NLGN1: variants seen among roughly 807,000 people sequenced by gnomAD.
NLGN1 encodes neuroligin 1.
In NLGN1, 12 loss-of-function variants were observed where a neutral mutation model predicts 65.5. The ratio of observed to expected loss-of-function variants is 0.18; its 90% CI spans 0.12 to 0.30. NLGN1 has a LOEUF of 0.30. Among genes scored for constraint, NLGN1 ranks in the 10% least tolerant of loss-of-function variants. NLGN1 has a pLI of 1.00. For missense variants in NLGN1, 750 were observed against 1,007.1 expected, an observed-to-expected ratio of 0.74 and a Z score of 3.46; for synonymous variants, 350 against 359.5, an observed-to-expected ratio of 0.97 and a Z score of 0.30.
At chr3:174,077,762 G>A (rs1741319942) in intron 4 of NLGN1, among the ~76,000 whole-genome samples, 1 of 152,014 alleles carries the variant, frequency 6.6e-6, no homozygotes, top group African/African-American at 2.4e-5. Flanking sequence ...CACCATGTTG[G>A]TCAGGCTGGT....
At chr3:173,563,612 C>T (rs1743142768) in intron 2 of NLGN1, among the ~76,000 whole-genome samples, 1 of 152,206 alleles carries the variant, frequency 6.6e-6, no homozygotes, top group East Asian at 1.9e-4. Context: ...TTACATTTTA[C>T]TGACATCTTT....
At chr3:173,909,212 G>T (rs949732522) in intron 4 of NLGN1, among the ~76,000 whole-genome samples, 2 of 152,016 alleles carry the variant, frequency 1.3e-5, no homozygotes, top group African/African-American at 4.8e-5. Context: ...TTTCGGGGGA[G>T]GTTCAGTTAA....
intron 4 of NLGN1, among the ~76,000 whole-genome samples, chr3:173,872,109 G>A (rs1176933671): frequency 6.6e-6 from 1 of 152,112 alleles, no homozygotes; most frequent in Non-Finnish European, 1.5e-5. Context: ...GCGCCTCATG[G>A]GCAAGAGTGT....
chr3:173,614,282 C>G (rs1752726388), intron 3 of NLGN1, among the ~76,000 whole-genome samples: 1 of 151,870 alleles, frequency 6.6e-6, no homozygotes. Context: ...GTAATGTAAC[C>G]CTGTCGAGTA....
intron 4 of NLGN1, among the ~76,000 whole-genome samples, chr3:174,190,079 C>T (rs1366969681): frequency 6.6e-6 from 1 of 152,050 alleles, no homozygotes; most frequent in Non-Finnish European, 1.5e-5. Context: ...AGGTACAACA[C>T]TTGAGCACTG....
At chr3:173,912,568 T>A (rs903690136) in intron 4 of NLGN1, 1 of 152,090 alleles carries the variant, frequency 6.6e-6, no homozygotes, top group African/African-American at 2.4e-5. Flanking sequence ...TATGTGGCGT[T>A]TCTCAATGCA....
chr3:173,538,872 G>GTT (rs1737908176), intron 2 of NLGN1, among the ~76,000 whole-genome samples: 2 of 102,736 alleles, frequency 1.9e-5, no homozygotes, highest in Admixed American at 9.8e-5. Flanking sequence ...ATATCTTCAT[G>GTT]GTTTTTTTTT....
chr3:174,018,713 G>A (rs1302571769), intron 4 of NLGN1, among the ~76,000 whole-genome samples: 1 of 152,102 alleles, frequency 6.6e-6, no homozygotes, highest in African/African-American at 2.4e-5. Context: ...GAAATATCCA[G>A]TGGTGCTCAT....
At chr3:173,508,316 G>A (rs1056925119) in intron 2 of NLGN1, among the ~76,000 whole-genome samples, 3 of 152,094 alleles carry the variant, frequency 2.0e-5, no homozygotes, top group Non-Finnish European at 4.4e-5. Flanking sequence ...AATAAATTAG[G>A]TTATGATGCA....
chr3:173,593,898 G>A (rs1748985692), intron 2 of NLGN1, among the ~76,000 whole-genome samples: 1 of 152,178 alleles, frequency 6.6e-6, no homozygotes, highest in Non-Finnish European at 1.5e-5. Flanking sequence ...AGAAACTCCT[G>A]ATAAAACCAT....
intron 2 of NLGN1, among the ~76,000 whole-genome samples, chr3:173,469,644 A>C (rs1226134377): frequency 1.3e-5 from 2 of 151,908 alleles, no homozygotes; most frequent in Non-Finnish European, 2.9e-5. Context: ...AAAACTAAAA[A>C]AAAAAAAAAT....
rs1053425111 is a variant in NLGN1 at position 174,284,941 on chromosome 3, T to C, written c.*3638T>C. On this transcript the variant is annotated 3_prime_UTR_variant, in exon 7 of 7. Transcript: ENST00000457714. ...CAACATTTTTTTAAAAATTATCAAGTATATATAATATTAAAAAGAGGAAAA... is the reference window on the plus strand; with the variant it reads ...CAACATTTTTTTAAAAATTATCAAGCATATATAATATTAAAAAGAGGAAAA... The C allele has an allele frequency of 8.6e-5, 13 of 151,298 alleles. No homozygotes were observed. The East Asian group carries it at 2.3e-3, about 27-fold the overall frequency. 9.4% of individuals were successfully genotyped at this position (151,298 alleles called of 1,614,324 possible). A position where few individuals can be genotyped will look rare whatever the true frequency, so the allele number is the denominator to read the frequency against.
intron 4 of NLGN1, among the ~76,000 whole-genome samples, chr3:173,990,313 C>A (rs1320357612): frequency 6.6e-6 from 1 of 152,158 alleles, no homozygotes. Flanking sequence ...TCAAAAAGTT[C>A]TCTACAAATT....
At chr3:174,002,479 A>G (rs1213651195) in intron 4 of NLGN1, among the ~76,000 whole-genome samples, 1 of 152,188 alleles carries the variant, frequency 6.6e-6, no homozygotes, top group African/African-American at 2.4e-5. Flanking sequence ...ATTTTTACTT[A>G]ATGACTTGTA....
intron 2 of NLGN1, among the ~76,000 whole-genome samples, chr3:173,461,627 T>C (rs1260239962): frequency 6.6e-6 from 1 of 152,146 alleles, no homozygotes; most frequent in Non-Finnish European, 1.5e-5. Flanking sequence ...TTCAACTTCA[T>C]TTGACATTGT....
At position 174,265,285 on chromosome 3, in the gene NLGN1, G is replaced by C. The variant is rs1322774658; in HGVS notation, c.647-10030G>C. Among the ~76,000 whole-genome samples, 9 of 151,804 alleles carry C rather than the reference G, an allele frequency of 5.9e-5. No individual in the cohort carries two copies. The East Asian group carries it at 1.8e-3, about 30-fold the overall frequency. ...CGGGCGCCACTCCCCCAGCCTCGCTGCCGCCTTGCAGTTTGATCTCAGACT... is the reference window on the plus strand; with the variant it reads ...CGGGCGCCACTCCCCCAGCCTCGCTCCCGCCTTGCAGTTTGATCTCAGACT... On this transcript the variant is annotated intron_variant, in intron 4 of 6. Coordinates refer to ENST00000457714, the Ensembl canonical transcript of NLGN1.
At chr3:173,814,010 T>C (rs1718509066) in intron 4 of NLGN1, among the ~76,000 whole-genome samples, 1 of 152,198 alleles carries the variant, frequency 6.6e-6, no homozygotes, top group Non-Finnish European at 1.5e-5. Flanking sequence ...TAAAGGCAGC[T>C]GGGGAACAAA....
chr3:173,831,017 T>A (rs889442759), intron 4 of NLGN1, among the ~76,000 whole-genome samples: 1 of 152,250 alleles, frequency 6.6e-6, no homozygotes, highest in African/African-American at 2.4e-5. Context: ...CATCTAGTTA[T>A]AGCTCTCAAT....
chr3:173,481,341 G>T (rs1727244521), intron 2 of NLGN1, among the ~76,000 whole-genome samples: 2 of 151,884 alleles, frequency 1.3e-5, no homozygotes. Flanking sequence ...AGATTGAAAG[G>T]AAACTAAATA....
Sources: gnomAD v4.1 joint callset for allele counts (sites outside exome capture counted in the v4.1 genomes callset) on GRCh38, gnomAD v4.1.1 for gene constraint, MANE v1.5 for transcripts, NCBI Gene and HGNC (gene_info 2026-07-23, HGNC 2026-07-21) for gene names.